NAA15: variants seen among roughly 807,000 people sequenced by gnomAD.
NAA15 encodes the protein N-alpha-acetyltransferase 15, NatA auxiliary subunit, also known as N-terminal acetyltransferase.
Under a neutral mutation model 114.0 loss-of-function variants are expected in NAA15, and 34 were observed. That is an observed-to-expected ratio of 0.30 (90% CI 0.23 to 0.40). NAA15 has a LOEUF of 0.40. Ranked by LOEUF, NAA15 falls within the 10% of genes least tolerant of loss-of-function variation. The pLI, the probability that NAA15 is intolerant of heterozygous loss-of-function variation, is 1.00. For missense variants in NAA15, 658 were observed against 1,004.5 expected, an observed-to-expected ratio of 0.66 and a Z score of 4.66; for synonymous variants, 340 against 338.0, an observed-to-expected ratio of 1.01 and a Z score of -0.06.
At position 139,387,811 on chromosome 4, in the gene NAA15, T is replaced by C. The variant is rs185957280; in HGVS notation, c.2401-73T>C. On this transcript the variant is annotated intron_variant, in intron 19 of 19. Coordinates refer to ENST00000296543, the MANE Select transcript of NAA15 (RefSeq NM_057175.5). Reference sequence around the variant, plus strand: ...TCTTATTTTAGAAATCTCTTGCTGTTGAAATGTCTAATAAATTCCCAGTAA... The same window carrying C: ...TCTTATTTTAGAAATCTCTTGCTGTCGAAATGTCTAATAAATTCCCAGTAA... 6.1e-6 allele frequency: 7 copies of C among 1,151,314 alleles called. No homozygotes were observed. In the Admixed American group the frequency reaches 1.5e-4, roughly 24 times the overall value. 71.3% of individuals were successfully genotyped at this position (1,151,314 alleles called of 1,614,324 possible).
chr4:139,370,712 CTT>C (rs1184684147), intron 15 of NAA15, among the ~76,000 whole-genome samples: 2 of 152,184 alleles, frequency 1.3e-5, no homozygotes, highest in African/African-American at 2.4e-5. Context: ...CCCTTGGACA[CTT>C]TGTCTAACCT....
intron 14 of NAA15, among the ~76,000 whole-genome samples, chr4:139,365,382 G>A (rs1748250125): frequency 6.6e-6 from 1 of 152,086 alleles, no homozygotes; most frequent in Admixed American, 6.6e-5. Flanking sequence ...TAGCATAGAA[G>A]AAGCCTAGAC....
rs768585077 is a variant in NAA15 at position 139,359,876 on chromosome 4, T to C, written c.1391T>C (p.Met464Thr). The change falls in exon 12 of 20, where the codon ATG becomes ACG. Residue 464 changes from methionine to threonine, a missense_variant. Met to Thr is a moderately conservative substitution (Grantham distance 81). Around this residue, in one of 6 missense-constraint regions of NAA15, gnomAD observed 281 missense variants for 389.1 expected, o/e 0.72. Transcript: ENST00000296543. Reference sequence around the variant, plus strand: ...AACCTGATTAAAGAAGCTGAAGAAATGTGCTCAAAGTTTACAAGGGTTTGT... The same window carrying C: ...AACCTGATTAAAGAAGCTGAAGAAACGTGCTCAAAGTTTACAAGGGTTTGT... ...KANLIKEAEEMCSKFTREGTS... is the reference protein window; with the variant it reads ...KANLIKEAEETCSKFTREGTS... 2.5e-6 allele frequency: 4 copies of C among 1,595,776 alleles called. No homozygotes were observed. The highest frequency in any genetic ancestry group is 1.4e-5 in the African/African-American group (1 of 73,618).
At chr4:139,362,232 C>T (rs182560300) in intron 14 of NAA15, among the ~76,000 whole-genome samples, 12 of 152,256 alleles carry the variant, frequency 7.9e-5, no homozygotes, top group Admixed American at 6.5e-4. Context: ...TACTAGATTG[C>T]TAATTGTATA....
intron 11 of NAA15, among the ~76,000 whole-genome samples, chr4:139,358,927 C>T (rs980397922): frequency 5.3e-5 from 8 of 151,882 alleles, no homozygotes; most frequent in African/African-American, 1.9e-4. Context: ...CCAGCTTGGC[C>T]AATATGGTGA....
chr4:139,327,081 A>G (rs1746827051), intron 1 of NAA15, among the ~76,000 whole-genome samples: 1 of 151,992 alleles, frequency 6.6e-6, no homozygotes, highest in Non-Finnish European at 1.5e-5. Flanking sequence ...GCCTAAAGGC[A>G]CACACCACCA....
chr4:139,316,049 C>G (rs1447027848), intron 1 of NAA15, among the ~76,000 whole-genome samples: 1 of 151,558 alleles, frequency 6.6e-6, no homozygotes, highest in South Asian at 2.1e-4. Context: ...ATTTTACATA[C>G]TATTCTTCCT....
chr4:139,304,369 A>C (rs1745934607), intron 1 of NAA15, among the ~76,000 whole-genome samples: 1 of 152,232 alleles, frequency 6.6e-6, no homozygotes, highest in African/African-American at 2.4e-5. Context: ...CATTGATACA[A>C]TCCACCAGTC....
chr4:139,384,871 C>G lies in NAA15; in HGVS notation c.2195C>G (p.Thr732Arg), dbSNP rs780219340. ...AAAGATTTATCTGATACAGTTAGAA[C>G]AGTATTAAAACAAGAAATGAATCGT... Reference protein sequence around the residue: ...ESKDLSDTVRTVLKQEMNRLF... With the variant: ...ESKDLSDTVRRVLKQEMNRLF... The change falls in exon 18 of 20, where the codon ACA (threonine) becomes AGA (arginine). Residue 732 changes from threonine to arginine, a missense_variant. By Grantham distance (71) the Thr-to-Arg change is moderately conservative (BLOSUM62 -1). This residue lies in a region of NAA15 where 275 missense variants were observed against 371.1 expected (regional missense o/e 0.74). Transcript: ENST00000296543. 28 of 1,537,556 alleles carry G rather than the reference C, an allele frequency of 1.8e-5. No individual in the cohort carries two copies. The highest frequency in any genetic ancestry group is 2.2e-5 in the Non-Finnish European group (25 of 1,137,338).
chr4:139,315,078 T>TAGGTTAGGTTAGG (rs1253703101), intron 1 of NAA15, among the ~76,000 whole-genome samples: 21 of 144,860 alleles, frequency 1.4e-4, no homozygotes, highest in Middle Eastern at 3.5e-3. Flanking sequence ...TAGTTTAGTT[T>TAGGTTAGGTTAGG]TTGAGACGGA....
chr4:139,384,716 C>T lies in NAA15; in HGVS notation c.2156-116C>T, dbSNP rs1748847259. 5 of 599,090 alleles carry T rather than the reference C, an allele frequency of 8.3e-6. No homozygotes were observed. The South Asian group carries it at 2.8e-4, about 33-fold the overall frequency. 37.1% of individuals were successfully genotyped at this position (599,090 alleles called of 1,614,324 possible). On this transcript the variant is annotated intron_variant, in intron 17 of 19. Transcript: ENST00000296543. ...GCTACAGTGAGCCATGGTTGTGCCA[C>T]TGTACTCCAGCCTGGGTGATAGAGC...
chr4:139,359,326 C>T (rs1296092284), intron 11 of NAA15, among the ~76,000 whole-genome samples: 1 of 151,860 alleles, frequency 6.6e-6, no homozygotes. Context: ...TGGGGTTTCA[C>T]CATGTTGGCC....
intron 10 of NAA15, among the ~76,000 whole-genome samples, chr4:139,355,099 G>A (rs1747904019): frequency 6.6e-6 from 1 of 151,862 alleles, no homozygotes; most frequent in Admixed American, 6.6e-5. Flanking sequence ...GGCTGGTCTC[G>A]AACTCCTGAC....
intron 1 of NAA15, among the ~76,000 whole-genome samples, chr4:139,322,019 C>A (rs1746634723): frequency 6.6e-6 from 1 of 151,998 alleles, no homozygotes; most frequent in African/African-American, 2.4e-5. Flanking sequence ...TGTCTGGATC[C>A]TCTTGCCTTT....
At chr4:139,373,384 C>T (rs1372586637) in intron 15 of NAA15, among the ~76,000 whole-genome samples, 1 of 152,146 alleles carries the variant, frequency 6.6e-6, no homozygotes, top group African/African-American at 2.4e-5. Context: ...AAAAATAGGG[C>T]ATTCTAATCT....
intron 15 of NAA15, among the ~76,000 whole-genome samples, chr4:139,374,487 G>A (rs1748529414): frequency 6.6e-6 from 1 of 152,116 alleles, no homozygotes; most frequent in South Asian, 2.1e-4. Context: ...TCTTGCTGTG[G>A]TGATTGTCAG....
intron 17 of NAA15, among the ~76,000 whole-genome samples, chr4:139,381,118 A>C (rs560826976): frequency 1.3e-5 from 2 of 152,256 alleles, no homozygotes; most frequent in African/African-American, 4.8e-5. Flanking sequence ...GCACCCTCCA[A>C]ATCTCTAGAA....
intron 18 of NAA15, among the ~76,000 whole-genome samples, chr4:139,385,281 AT>A (rs1560984019): frequency 8.3e-6 from 1 of 121,208 alleles, no homozygotes; most frequent in Non-Finnish European, 1.6e-5. Context: ...ATATATATAT[AT>A]AATATATATA....
intron 15 of NAA15, among the ~76,000 whole-genome samples, chr4:139,373,784 C>T (rs559221041): frequency 5.9e-5 from 9 of 152,066 alleles, no homozygotes; most frequent in African/African-American, 1.7e-4. Context: ...TGCAACACTC[C>T]GCCTCCCAGG....
Sources: allele counts gnomAD v4.1 joint callset (sites outside exome capture counted in the v4.1 genomes callset), GRCh38; gene constraint gnomAD v4.1.1; regional missense constraint gnomAD v4.1.1; transcripts MANE v1.5; gene names NCBI Gene and HGNC (gene_info 2026-07-23, HGNC 2026-07-21).